Variants in DDAH1 observed in about 807,000 individuals in gnomAD.
DDAH1 encodes dimethylarginine dimethylaminohydrolase 1.
DDAH1 carries 19 observed loss-of-function variants against 28.8 expected under a neutral mutation model. That is an observed-to-expected ratio of 0.66 (90% CI 0.46 to 0.97). The LOEUF (loss-of-function observed/expected upper bound fraction) is 0.97, where lower values mean the gene tolerates loss of function less well. DDAH1 is among the 50% of genes least tolerant of loss of function. DDAH1 has a pLI of 0.00. For synonymous variants in DDAH1, 153 were observed against 154.4 expected, an observed-to-expected ratio of 0.99 and a Z score of 0.07; for missense variants, 326 against 375.9, an observed-to-expected ratio of 0.87 and a Z score of 1.10.
At chr1:85,449,789 A>C (rs1337472743) in intron 1 of DDAH1, among the ~76,000 whole-genome samples, 3 of 152,142 alleles carry the variant, frequency 2.0e-5, no homozygotes, top group Non-Finnish European at 4.4e-5. Flanking sequence ...TGGCAGCAGG[A>C]ACAGGTGGCA....
chr1:85,549,123 ACT>A (rs1271757670), intron 1 of DDAH1, among the ~76,000 whole-genome samples: 1 of 152,174 alleles, frequency 6.6e-6, no homozygotes, highest in African/African-American at 2.4e-5. Flanking sequence ...TAAAACTGTC[ACT>A]CTGTATGAAA....
chr1:85,454,758 GACCCACTAGT>G (rs1489600154), intron 1 of DDAH1, among the ~76,000 whole-genome samples: 1 of 152,170 alleles, frequency 6.6e-6, no homozygotes, highest in East Asian at 1.9e-4. Flanking sequence ...TTGATTTCAT[GACCCACTAGT>G]GGGTAGAGAG....
chr1:85,523,460 C>G (rs1309416075), intron 1 of DDAH1, among the ~76,000 whole-genome samples: 1 of 152,166 alleles, frequency 6.6e-6, no homozygotes, highest in Non-Finnish European at 1.5e-5. Flanking sequence ...CTTGGCTGGA[C>G]TAATTCTGGT....
At chr1:85,551,240 T>C (rs1658778701) in intron 1 of DDAH1, among the ~76,000 whole-genome samples, 1 of 152,198 alleles carries the variant, frequency 6.6e-6, no homozygotes, top group Admixed American at 6.5e-5. Flanking sequence ...CTGGTTTTAA[T>C]AGTTGCTGGG....
At chr1:85,510,485 A>AACC (rs1657183723) in intron 1 of DDAH1, among the ~76,000 whole-genome samples, 7 of 152,220 alleles carry the variant, frequency 4.6e-5, no homozygotes, top group African/African-American at 4.8e-5. Context: ...ACAGGATCAA[A>AACC]TTCACACATA....
At chr1:85,575,715 G>A (rs1265869949) in intron 1 of DDAH1, 1 of 152,226 alleles carries the variant, frequency 6.6e-6, no homozygotes, top group Non-Finnish European at 1.5e-5. Flanking sequence ...CTGAATGTCT[G>A]AGGTAAGAGA....
At chr1:85,562,527 G>A (rs1659170225) in intron 1 of DDAH1, among the ~76,000 whole-genome samples, 1 of 152,134 alleles carries the variant, frequency 6.6e-6, no homozygotes, top group Non-Finnish European at 1.5e-5. Flanking sequence ...AAGTTAAGAT[G>A]AGGTCATACT....
rs1320837717 is a variant in DDAH1 at position 85,464,493 on chromosome 1, C to T, written c.303+250G>A. The T allele has an allele frequency of 2.4e-5, 37 of 1,525,462 alleles. No individual in the cohort carries two copies. Among genetic ancestry groups the T allele is most frequent in the Non-Finnish European group, 3.2e-5 (36 of 1,140,728 alleles). The allele number at this position is 1,525,462 out of a possible 1,614,324, so 94.5% of individuals were successfully genotyped here. ...CGTGAGACGGAATCCCCCGCCCACC[C>T]ACCTGCCCGAGACCGTACAACCACA... On this transcript the variant is annotated intron_variant, in intron 1 of 5. Transcript: ENST00000284031. This position sits in a 1 kb window ranked among gnomAD's most constrained non-coding sequence, Gnocchi z 4.4.
At chr1:85,500,651 T>C (rs566076410) in intron 1 of DDAH1, among the ~76,000 whole-genome samples, 9 of 152,222 alleles carry the variant, frequency 5.9e-5, no homozygotes, top group African/African-American at 2.2e-4. Flanking sequence ...TCAAATATAT[T>C]TTCTGCCCCA....
chr1:85,460,920 C>G (rs1179106917), intron 1 of DDAH1, among the ~76,000 whole-genome samples: 2 of 152,202 alleles, frequency 1.3e-5, no homozygotes, highest in Admixed American at 6.5e-5. Flanking sequence ...CCTACATCAT[C>G]TTTTAGATTA....
At chr1:85,480,262 A>G (rs1259463670) in intron 2 of DDAH1, among the ~76,000 whole-genome samples, 3 of 152,126 alleles carry the variant, frequency 2.0e-5, no homozygotes, top group African/African-American at 7.2e-5. Context: ...ACACCAAAAT[A>G]TATGTGCTCT....
At chr1:85,393,538 A>T (rs1359027993) in intron 1 of DDAH1, among the ~76,000 whole-genome samples, 1 of 152,220 alleles carries the variant, frequency 6.6e-6, no homozygotes, top group Admixed American at 6.5e-5. Context: ...AACCCCTTGT[A>T]AAAGAAATTT....
At position 85,361,852 on chromosome 1, in the gene DDAH1, C is replaced by T. The variant is rs1649813156; in HGVS notation, c.304-3005G>A. Among the ~76,000 whole-genome samples the T allele has an allele frequency of 2.0e-5, 3 of 152,174 alleles. No individual in the cohort carries two copies. In the South Asian group the frequency reaches 6.2e-4, roughly 31 times the overall value. On this transcript the variant is annotated intron_variant, in intron 1 of 5. Transcript: ENST00000284031. ...TTAGTATTCTGAGCCTCAGTTTTCT[C>T]ACCTTTAAAGTGGGTATTTATTCAT... is the stretch of plus-strand genomic sequence containing the variant.
intron 1 of DDAH1, among the ~76,000 whole-genome samples, chr1:85,558,468 A>T (rs1659046468): frequency 6.6e-6 from 1 of 152,220 alleles, no homozygotes; most frequent in Non-Finnish European, 1.5e-5. Context: ...ATTAGGTGGG[A>T]TGCCTATCAG....
intron 1 of DDAH1, among the ~76,000 whole-genome samples, chr1:85,515,065 T>C (rs1324230814): frequency 6.7e-6 from 1 of 150,102 alleles, no homozygotes; most frequent in African/African-American, 2.5e-5. Flanking sequence ...TCCATATTGA[T>C]ATTGCCAATT....
At chr1:85,335,047 G>A (rs560576419) in intron 4 of DDAH1, among the ~76,000 whole-genome samples, 2 of 152,154 alleles carry the variant, frequency 1.3e-5, no homozygotes, top group South Asian at 2.1e-4. Context: ...GAAGTCCTAC[G>A]CCTGGAAGTG....
At chr1:85,503,401 A>G (rs1238157277) in intron 1 of DDAH1, among the ~76,000 whole-genome samples, 1 of 152,138 alleles carries the variant, frequency 6.6e-6, no homozygotes, top group African/African-American at 2.4e-5. Context: ...GGTTTTCACC[A>G]TGTTAGCCAG....
chr1:85,322,281 C>CT (rs1661379984), intron 5 of DDAH1, among the ~76,000 whole-genome samples: 2 of 152,142 alleles, frequency 1.3e-5, no homozygotes, highest in Non-Finnish European at 2.9e-5. Flanking sequence ...TTCTTACCAA[C>CT]ACTGCTGGAA....
chr1:85,383,717 C>T (rs1055188078), intron 1 of DDAH1, among the ~76,000 whole-genome samples: 2 of 152,186 alleles, frequency 1.3e-5, no homozygotes, highest in Non-Finnish European at 2.9e-5. Context: ...CCTCAACCTT[C>T]AACAACCACA....
Sources: gnomAD v4.1 joint callset for allele counts (sites outside exome capture counted in the v4.1 genomes callset) on GRCh38, gnomAD v4.1.1 for gene constraint, Gnocchi (gnomAD v3.1) non-coding constraint, MANE v1.5 for transcripts, NCBI Gene and HGNC (gene_info 2026-07-23, HGNC 2026-07-21) for gene names.